Variants in OSBPL6 observed in about 807,000 individuals in gnomAD.
OSBPL6 encodes the protein oxysterol-binding protein-related protein 6.
In OSBPL6, 49 loss-of-function variants were observed where a neutral mutation model predicts 125.8. The ratio of observed to expected loss-of-function variants is 0.39; its 90% CI spans 0.31 to 0.49. The LOEUF (loss-of-function observed/expected upper bound fraction) is 0.49, where lower values mean the gene tolerates loss of function less well. Ranked by LOEUF, OSBPL6 falls within the 20% of genes least tolerant of loss-of-function variation. The pLI, the probability that OSBPL6 is intolerant of heterozygous loss-of-function variation, is 0.88. For missense variants in OSBPL6, 986 were observed against 1,135.4 expected (o/e 0.87, Z 1.89); for synonymous variants, 394 against 391.8 (o/e 1.01, Z -0.07).
chr2:178,372,032 C>T (rs1208553553), intron 13 of OSBPL6, 94 bp from the exon 14 acceptor site: 8 of 900,600 alleles, frequency 8.9e-6, no homozygotes, highest in Non-Finnish European at 1.4e-5. Context: ...AAGAACATCA[C>T]AGACATTATT....
rs1691024978 is a variant in OSBPL6 at position 178,349,388 on chromosome 2, A to C, written c.1152A>C (p.Lys384Asn). The change falls in exon 12 of 25, where the codon AAA becomes AAC. Residue 384 changes from lysine (K) to asparagine (N), a missense_variant and splice_region_variant. Around this residue, in one of 3 missense-constraint regions of OSBPL6, gnomAD observed 843 missense variants for 997.3 expected, o/e 0.85. Coordinates refer to ENST00000190611, the MANE Select transcript of OSBPL6 (RefSeq NM_032523.4). ...LQEEFCLIAQ[K>N]VHSLLKSAFN... ...AAGAATTTTGTCTAATCGCACAGAA[A>C]GGTAAGAACAAAAATAATGCGCCCT... is the stretch of plus-strand genomic sequence containing the variant. 6.2e-7 allele frequency: 1 copy of C among 1,613,772 alleles called. No homozygotes were observed. Among genetic ancestry groups the C allele is most frequent in the Admixed American group, 1.7e-5 (1 of 60,002 alleles).
chr2:178,376,010 G>A (rs1273613662), intron 15 of OSBPL6, among the ~76,000 whole-genome samples: 2 of 152,112 alleles, frequency 1.3e-5, no homozygotes, highest in Non-Finnish European at 2.9e-5. Context: ...GGATAAGAAG[G>A]TGGAGGGCAG....
intron 4 of OSBPL6, among the ~76,000 whole-genome samples, chr2:178,327,824 A>G (rs1574879228): frequency 6.6e-6 from 1 of 152,124 alleles, no homozygotes; most frequent in Admixed American, 6.5e-5. Flanking sequence ...GAGCCACTTG[A>G]GACAACAGCA....
chr2:178,387,164 G>A, intron 20 of OSBPL6, 25 bp downstream of exon 20: 1 of 1,548,188 alleles, frequency 6.5e-7, no homozygotes, highest in Non-Finnish European at 8.9e-7. Context: ...CCTCCCTTTT[G>A]GCCTCTTGTC....
intron 11 of OSBPL6, among the ~76,000 whole-genome samples, chr2:178,343,411 T>C (rs1690402506): frequency 6.6e-6 from 1 of 151,854 alleles, no homozygotes; most frequent in Non-Finnish European, 1.5e-5. Flanking sequence ...AAAGTATTGC[T>C]CACAACCTTG....
At chr2:178,247,021 C>T (rs985732402) in intron 1 of OSBPL6, among the ~76,000 whole-genome samples, 1 of 150,334 alleles carries the variant, frequency 6.7e-6, no homozygotes, top group African/African-American at 2.5e-5. Flanking sequence ...TCCCCACCCC[C>T]CCATGTTATT....
In OSBPL6 at chr2:178,324,202, C is replaced by A; in HGVS notation, c.128C>A (p.Ala43Asp). ...AGTATTCACATACTGGAGAGGACTG[C>A]TTCCTCTAGCACCGAGCCCTCTGTA... ...RQSIHILERT[A>D]SSSTEPSVSR... The change falls in exon 4 of 25, where the codon GCT becomes GAT. Residue 43 changes from alanine to aspartate, a missense_variant. By Grantham distance (126) the Ala-to-Asp change is moderately radical. Transcript: ENST00000190611. 1 of 1,567,144 alleles carries A rather than the reference C, an allele frequency of 6.4e-7. No individual in the cohort carries two copies. The highest frequency in any genetic ancestry group is 8.7e-7 in the Non-Finnish European group (1 of 1,146,766).
chr2:178,301,141 G>T (rs1461585637), intron 2 of OSBPL6, among the ~76,000 whole-genome samples: 2 of 151,862 alleles, frequency 1.3e-5, no homozygotes, highest in Admixed American at 1.3e-4. Context: ...AAATGGGAAG[G>T]ATGGACAAAG....
chr2:178,367,183 A>G (rs573213357), intron 13 of OSBPL6, among the ~76,000 whole-genome samples: 1 of 152,176 alleles, frequency 6.6e-6, no homozygotes, highest in Non-Finnish European at 1.5e-5. Context: ...TAAAAAATAC[A>G]GAGGAAAAAA....
intron 1 of OSBPL6, among the ~76,000 whole-genome samples, chr2:178,209,530 G>T (rs1443554312): frequency 7.0e-6 from 1 of 143,100 alleles, no homozygotes; most frequent in Non-Finnish European, 1.5e-5. Context: ...GACATTTTCT[G>T]CTCCCTGCAC....
intron 1 of OSBPL6, among the ~76,000 whole-genome samples, chr2:178,200,074 T>G (rs1346565432): frequency 6.6e-6 from 1 of 152,174 alleles, no homozygotes; most frequent in Non-Finnish European, 1.5e-5. Context: ...GGGATTACAT[T>G]TTTCAAAGCC....
intron 1 of OSBPL6, among the ~76,000 whole-genome samples, chr2:178,205,490 T>A (rs1361723791): frequency 1.3e-5 from 2 of 152,158 alleles, no homozygotes; most frequent in Non-Finnish European, 2.9e-5. Context: ...CCAGATAGAT[T>A]GTAGGTCTGA....
intron 1 of OSBPL6, among the ~76,000 whole-genome samples, chr2:178,201,159 A>G (rs914579148): frequency 2.6e-5 from 4 of 152,162 alleles, no homozygotes; most frequent in African/African-American, 9.7e-5. Context: ...TAGAATTAAG[A>G]TTAAATTTAC....
rs184003913 is a variant in OSBPL6 at position 178,355,243 on chromosome 2, G to T, written c.1153+5854G>T. Among the ~76,000 whole-genome samples the T allele has an allele frequency of 3.4e-3, 515 of 152,138 alleles. 3 individuals carry two copies. The highest frequency in any genetic ancestry group is 0.012 in the African/African-American group (503 of 41,430). On this transcript the variant is annotated intron_variant, in intron 12 of 24. Coordinates refer to ENST00000190611, the MANE Select transcript of OSBPL6 (RefSeq NM_032523.4). ...GCACGAAATAACTAAGAGCAGTGCA[G>T]AACTGAAAGAGATAGAGACACAAAA... is the stretch of plus-strand genomic sequence containing the variant.
At chr2:178,233,411 C>A (rs1282952649) in intron 1 of OSBPL6, among the ~76,000 whole-genome samples, 1 of 152,176 alleles carries the variant, frequency 6.6e-6, no homozygotes, top group Non-Finnish European at 1.5e-5. Flanking sequence ...ATGGCTGCAT[C>A]CTCTGTGTTT....
intron 18 of OSBPL6, among the ~76,000 whole-genome samples, chr2:178,384,526 G>A (rs752629566): frequency 5.6e-4 from 86 of 152,274 alleles, no homozygotes; most frequent in Non-Finnish European, 7.9e-4. Context: ...CAGGTCATAG[G>A]TAGATAAGAA....
chr2:178,343,794 T>C (rs1002580144), intron 11 of OSBPL6, among the ~76,000 whole-genome samples: 20 of 152,272 alleles, frequency 1.3e-4, no homozygotes, highest in Non-Finnish European at 2.2e-4. Flanking sequence ...TACCCTTCCC[T>C]TACTTTTTTT....
chr2:178,227,720 G>C (rs1489881365), intron 1 of OSBPL6, among the ~76,000 whole-genome samples: 1 of 152,166 alleles, frequency 6.6e-6, no homozygotes, highest in Non-Finnish European at 1.5e-5. Context: ...TTTTCTATAA[G>C]TTTAAGAGCA....
In OSBPL6 at chr2:178,400,199, CT is replaced by C. The variant is rs1326190253; in HGVS notation, c.*4641del. ...ACACCCACTTTCCCTTAATTCTCAT[CT>C]ATTTAGTTTTTTAATAAAATTGTTG... is the stretch of plus-strand genomic sequence containing the variant. On this transcript the variant is annotated 3_prime_UTR_variant, in exon 25 of 25. Coordinates refer to ENST00000190611, the MANE Select transcript of OSBPL6 (RefSeq NM_032523.4). The C allele has an allele frequency of 1.3e-5, 2 of 151,360 alleles. No homozygotes were observed. Among genetic ancestry groups the C allele is most frequent in the Admixed American group, 1.3e-4 (2 of 15,198 alleles). The allele number at this position is 151,360 out of a possible 1,614,324, so 9.4% of individuals were successfully genotyped here.
Sources: allele counts gnomAD v4.1 joint callset (sites outside exome capture counted in the v4.1 genomes callset), GRCh38; gene constraint gnomAD v4.1.1; regional missense constraint gnomAD v4.1.1; transcripts MANE v1.5; gene names NCBI Gene and HGNC (gene_info 2026-07-23, HGNC 2026-07-21).